Variants in MAP3K9 observed in about 807,000 individuals in gnomAD.
MAP3K9 encodes mitogen-activated protein kinase kinase kinase 9, also known as mixed lineage kinase 1 (tyr and ser/thr specificity).
In MAP3K9, 46 loss-of-function variants were observed where a neutral mutation model predicts 95.8. The ratio of observed to expected loss-of-function variants is 0.48; its 90% confidence interval spans 0.38 to 0.61. The LOEUF (loss-of-function observed/expected upper bound fraction) is 0.61. Among genes scored for constraint, MAP3K9 ranks in the 20% least tolerant of loss-of-function variants. The pLI is 0.00. For missense variants in MAP3K9, 1,296 were observed against 1,474.3 expected (o/e 0.88, Z 1.98); for synonymous variants, 533 against 593.8 (o/e 0.90, Z 1.49).
intron 2 of MAP3K9, among the ~76,000 whole-genome samples, chr14:70,781,804 C>CT (rs2054680047): frequency 6.6e-6 from 1 of 152,128 alleles, no homozygotes. Context: ...GAGCCCACAA[C>CT]TGTACCAGCC....
rs1471193431 is a variant in MAP3K9 at position 70,728,767 on chromosome 14, CA to C, written c.*1612del. ...CCAGTTATAGAGAAAGAGCAGTGAC[CA>C]ATTCATCACTGTTGCCAGCTGCACA... On this transcript the variant is annotated 3_prime_UTR_variant, in exon 12 of 12. Transcript: ENST00000554752. The C allele has an allele frequency of 6.6e-6, 1 of 152,154 alleles. No homozygotes were observed. Among genetic ancestry groups the C allele is most frequent in the Non-Finnish European group, 1.5e-5 (1 of 68,064 alleles). The allele number at this position is 152,154 out of a possible 1,614,324, so 9.4% of individuals were successfully genotyped here.
chr14:70,730,147 C>T lies in MAP3K9; in HGVS notation c.*233G>A. Reference sequence around the variant, plus strand: ...CATGCATGCACCCCTTCCTCCCCTACACAGCCAGAGCTGATGGCCACAGCC... The same window carrying T: ...CATGCATGCACCCCTTCCTCCCCTATACAGCCAGAGCTGATGGCCACAGCC... On this transcript the variant is annotated 3_prime_UTR_variant, in exon 12 of 12. Transcript: ENST00000554752. The T allele has an allele frequency of 3.5e-6, 2 of 568,392 alleles. No homozygotes were observed. The highest frequency in any genetic ancestry group is 2.4e-5 in the South Asian group (1 of 41,608). 35.2% of individuals were successfully genotyped at this position (568,392 alleles called of 1,614,324 possible).
intron 1 of MAP3K9, among the ~76,000 whole-genome samples, chr14:70,807,570 A>G (rs1390261363): frequency 6.6e-6 from 1 of 152,242 alleles, no homozygotes; most frequent in African/African-American, 2.4e-5. Context: ...AACTGTTACA[A>G]AGGAAATCTT....
At chr14:70,803,336 T>TCAAAA (rs1566771064) in intron 1 of MAP3K9, among the ~76,000 whole-genome samples, 1 of 66,136 alleles carries the variant, frequency 1.5e-5, no homozygotes, top group Non-Finnish European at 2.8e-5. Flanking sequence ...AATTCAGATC[T>TCAAAA]TAAAAAAAAA....
chr14:70,729,409 G>A lies in MAP3K9; in HGVS notation c.*971C>T, dbSNP rs2053863464. On this transcript the variant is annotated 3_prime_UTR_variant, in exon 12 of 12. Coordinates refer to ENST00000554752, the MANE Select transcript of MAP3K9 (RefSeq NM_001284230.2). ...GCCCACAAACTCCAGGGATTAGAGTGAAGACCAAAGGAAGGGAGTAACACA... is the reference window on the plus strand; with the variant it reads ...GCCCACAAACTCCAGGGATTAGAGTAAAGACCAAAGGAAGGGAGTAACACA... 1 of 152,266 alleles carries A rather than the reference G, an allele frequency of 6.6e-6. No individual in the cohort carries two copies. Among genetic ancestry groups the A allele is most frequent in the South Asian group, 2.1e-4 (1 of 4,828 alleles). The allele number at this position is 152,266 out of a possible 1,614,324, so 9.4% of individuals were successfully genotyped here. A position where few individuals can be genotyped will look rare whatever the true frequency, so the allele number is the denominator to read the frequency against.
intron 8 of MAP3K9, 125 bp from the exon 9 acceptor site, chr14:70,736,154 A>G (rs2053984036): frequency 1.4e-6 from 1 of 720,264 alleles, no homozygotes; most frequent in Non-Finnish European, 2.6e-6. Context: ...CTGTCCAGAC[A>G]CAAAGCCCAC....
chr14:70,786,405 G>T (rs1161987102), intron 2 of MAP3K9, among the ~76,000 whole-genome samples: 1 of 152,014 alleles, frequency 6.6e-6, no homozygotes, highest in African/African-American at 2.4e-5. Context: ...TACTGCTTAA[G>T]AAATAAAAAA....
At chr14:70,798,422 A>ATG (rs1555372871) in intron 2 of MAP3K9, among the ~76,000 whole-genome samples, 1 of 44,560 alleles carries the variant, frequency 2.2e-5, no homozygotes, top group African/African-American at 9.4e-5. Flanking sequence ...TTTTCCAGCA[A>ATG]TATAAGCAAT....
In MAP3K9 at chr14:70,750,075, C is replaced by A; in HGVS notation, c.1008G>T (p.Gly336=). ...FSKGSDVWSY[G]VLLWELLTGE... Reference sequence around the variant, plus strand: ...CAGTCAGCAACTCCCAAAGTAGCACCCCATAGCTAAGGAGAGGAAGAAGAC... The same window carrying A: ...CAGTCAGCAACTCCCAAAGTAGCACACCATAGCTAAGGAGAGGAAGAAGAC... The change falls in exon 4 of 12, where the codon GGG becomes GGT. Residue 336 remains glycine (G), a synonymous_variant. Transcript: ENST00000554752. The A allele has an allele frequency of 6.2e-7, 1 of 1,614,146 alleles. No individual in the cohort carries two copies. The highest frequency in any genetic ancestry group is 8.5e-7 in the Non-Finnish European group (1 of 1,180,012).
At chr14:70,743,248 A>G (rs1443840578) in intron 5 of MAP3K9, among the ~76,000 whole-genome samples, 1 of 152,168 alleles carries the variant, frequency 6.6e-6, no homozygotes, top group Non-Finnish European at 1.5e-5. Flanking sequence ...TCAGCCTCTC[A>G]AAGTGCTAGG....
At position 70,772,250 on chromosome 14, in the gene MAP3K9, G is replaced by A. The variant is rs191688852; in HGVS notation, c.821-11068C>T. Among the ~76,000 whole-genome samples the A allele has an allele frequency of 9.2e-5, 14 of 152,346 alleles. No homozygotes were observed. In the East Asian group the frequency reaches 2.7e-3, roughly 29 times the overall value. On this transcript the variant is annotated intron_variant, in intron 2 of 11. Transcript: ENST00000554752. ...GCTTCCCAACAAGGACTCAGGCACA[G>A]CAGCCAAGAGTCCCTGCCACAGTAA...
At chr14:70,746,490 A>C (rs1284413344) in intron 5 of MAP3K9, among the ~76,000 whole-genome samples, 1 of 152,226 alleles carries the variant, frequency 6.6e-6, no homozygotes, top group East Asian at 1.9e-4. Context: ...TCTTACTCTC[A>C]CTTACCAAAC....
intron 2 of MAP3K9, among the ~76,000 whole-genome samples, chr14:70,789,565 C>T (rs1026978025): frequency 6.6e-6 from 1 of 152,176 alleles, no homozygotes; most frequent in Non-Finnish European, 1.5e-5. Context: ...GATGAGATTT[C>T]CTGTGACTCC....
intron 2 of MAP3K9, among the ~76,000 whole-genome samples, chr14:70,782,781 C>G (rs114083847): frequency 1.6e-3 from 240 of 152,310 alleles, no homozygotes; most frequent in African/African-American, 5.6e-3. Flanking sequence ...TTCCTAGCAT[C>G]TTCCTAGTCT....
At chr14:70,764,610 C>T (rs770113022) in intron 2 of MAP3K9, among the ~76,000 whole-genome samples, 4 of 151,684 alleles carry the variant, frequency 2.6e-5, no homozygotes, top group Non-Finnish European at 4.4e-5. Context: ...GTGGGAGGAT[C>T]GTTTGAGCCC....
In MAP3K9 at chr14:70,733,273, A is replaced by G; in HGVS notation, c.2096T>C (p.Leu699Pro). 6.2e-7 allele frequency: 1 copy of G among 1,610,726 alleles called. No individual in the cohort carries two copies. Among genetic ancestry groups the G allele is most frequent in the Non-Finnish European group, 8.5e-7 (1 of 1,177,824 alleles). The part of the protein sequence containing the change: ...RLQHSPSQSY[L>P]CIPFPRGEDG... The stretch of plus-strand genomic sequence containing the variant: ...CTCTCCACGAGGGAATGGGATACAG[A>G]GGTAGGACTGGCTGGGTGAATGCTG... Residue 699 changes from leucine to proline, a missense_variant, in exon 11 of 12, where the codon CTC becomes CCC. Physicochemically the swap from Leu to Pro is moderately conservative, Grantham distance 98. This residue lies in a region of MAP3K9 where 377 missense variants were observed against 417.1 expected (regional missense o/e 0.90). Coordinates refer to ENST00000554752, the MANE Select transcript of MAP3K9 (RefSeq NM_001284230.2).
chr14:70,735,372 T>C (rs2053971397), intron 9 of MAP3K9, among the ~76,000 whole-genome samples: 1 of 151,830 alleles, frequency 6.6e-6, no homozygotes, highest in South Asian at 2.1e-4. Context: ...GGCTCTTTTT[T>C]TTTTTTTTTT....
rs1262456125 is a variant in MAP3K9 at position 70,801,091 on chromosome 14, G to A, written c.407-11C>T. ...AATCAATTTCTAACACTGAGAAAGG[G>A]AAGAAAAAAAGAAGCAAGTCAAAAA... On this transcript the variant is annotated splice_polypyrimidine_tract_variant and intron_variant, in intron 1 of 11. Coordinates refer to ENST00000554752, the MANE Select transcript of MAP3K9 (RefSeq NM_001284230.2). 7.6e-6 allele frequency: 12 copies of A among 1,583,048 alleles called. No individual in the cohort carries two copies. In the Admixed American group the frequency reaches 1.1e-4, roughly 15 times the overall value.
intron 2 of MAP3K9, among the ~76,000 whole-genome samples, chr14:70,797,568 C>T (rs1273199430): frequency 6.6e-6 from 1 of 151,892 alleles, no homozygotes; most frequent in African/African-American, 2.4e-5. Context: ...CGAAACCCCA[C>T]CTCTACTAAA....
Sources: gnomAD v4.1 joint callset for allele counts (sites outside exome capture counted in the v4.1 genomes callset) on GRCh38, gnomAD v4.1.1 for gene constraint, gnomAD v4.1.1 regional missense constraint, MANE v1.5 for transcripts, NCBI Gene and HGNC (gene_info 2026-07-23, HGNC 2026-07-21) for gene names.